The following SPMIP2 variants were observed in gnomAD, a reference collection of about 807,000 sequenced individuals.
SPMIP2 encodes sperm microtubule inner protein 2.
chr4:158,911,538 G>T, the SPMIP2 span, among the ~76,000 whole-genome samples: 75 of 149,354 alleles, frequency 5.0e-4, no homozygotes, highest in African/African-American at 1.8e-3. Context: ...TGCCCTGTCT[G>T]TTCTTCCTAG....
At chr4:158,915,025 C>CCAGT in the SPMIP2 span, 1 of 654,330 alleles carries the variant, frequency 1.5e-6, no homozygotes, top group South Asian at 2.3e-5. Flanking sequence ...CTGTGGCAAT[C>CCAGT]CAGTATAAAT....
chr4:159,024,899 C>T, the SPMIP2 span, among the ~76,000 whole-genome samples: 5 of 152,088 alleles, frequency 3.3e-5, no homozygotes, highest in African/African-American at 7.2e-5. Flanking sequence ...CCTCAGGTGA[C>T]GATATGCATA....
chr4:159,031,191 A>C, the SPMIP2 span, among the ~76,000 whole-genome samples: 4 of 152,196 alleles, frequency 2.6e-5, no homozygotes, highest in African/African-American at 4.8e-5. Context: ...GTGGTAAGTG[A>C]TGGGCCTTAT....
At chr4:158,926,579 C>T in the SPMIP2 span, among the ~76,000 whole-genome samples, 19 of 151,772 alleles carry the variant, frequency 1.3e-4, no homozygotes, top group African/African-American at 4.4e-4. Context: ...TTTTATGGCC[C>T]AATATATGGT....
the SPMIP2 span, among the ~76,000 whole-genome samples, chr4:159,050,032 G>A: frequency 2.6e-5 from 4 of 152,154 alleles, no homozygotes; most frequent in Admixed American, 2.0e-4. Context: ...AATGTGCATT[G>A]CTAAAAGGTG....
the SPMIP2 span, among the ~76,000 whole-genome samples, chr4:159,058,382 TTATA>T: frequency 6.6e-6 from 1 of 152,142 alleles, no homozygotes; most frequent in African/African-American, 2.4e-5. Flanking sequence ...TAGTTTTTGG[TTATA>T]TATTGTTTTG....
At chr4:159,037,519 C>T in the SPMIP2 span, among the ~76,000 whole-genome samples, 1 of 151,540 alleles carries the variant, frequency 6.6e-6, no homozygotes, top group Non-Finnish European at 1.5e-5. Context: ...TGGCTTACAC[C>T]TGTAATCCCA....
the SPMIP2 span, among the ~76,000 whole-genome samples, chr4:159,001,474 T>C: frequency 6.6e-4 from 101 of 152,274 alleles, no homozygotes; most frequent in African/African-American, 2.4e-3. Context: ...TAGTACCCAA[T>C]AGTTACTTTT....
the SPMIP2 span, among the ~76,000 whole-genome samples, chr4:158,966,330 T>G: frequency 6.6e-6 from 1 of 152,202 alleles, no homozygotes; most frequent in African/African-American, 2.4e-5. Context: ...AGGGAAAAAC[T>G]ACAGTCATAA....
chr4:159,018,778 G>T, the SPMIP2 span, among the ~76,000 whole-genome samples: 1 of 152,032 alleles, frequency 6.6e-6, no homozygotes. Context: ...TTTGATAAAA[G>T]TCATCTTTAG....
chr4:158,972,357 GTCTC>G, the SPMIP2 span, among the ~76,000 whole-genome samples: 1 of 152,172 alleles, frequency 6.6e-6, no homozygotes, highest in Admixed American at 6.6e-5. Flanking sequence ...GTGAGACCCT[GTCTC>G]TAAATAAATA....
the SPMIP2 span, among the ~76,000 whole-genome samples, chr4:158,975,935 G>A: frequency 6.6e-6 from 1 of 152,158 alleles, no homozygotes; most frequent in South Asian, 2.1e-4. Flanking sequence ...CCATGAGCAC[G>A]GAATGTTTTT....
chr4:158,973,000 T>C, the SPMIP2 span: 18 of 973,434 alleles, frequency 1.8e-5, no homozygotes, highest in Non-Finnish European at 2.6e-5. Context: ...GCACCCGACA[T>C]TTCCTTTGGA....
chr4:159,005,697 T>C, the SPMIP2 span, among the ~76,000 whole-genome samples: 1 of 152,226 alleles, frequency 6.6e-6, no homozygotes, highest in Admixed American at 6.5e-5. Flanking sequence ...CTTTCAATAT[T>C]GATTTCATAT....
chr4:159,079,132 AAAT>A, the SPMIP2 span, among the ~76,000 whole-genome samples: 1 of 151,932 alleles, frequency 6.6e-6, no homozygotes, highest in Admixed American at 6.6e-5. Flanking sequence ...ATAAATAAAT[AAAT>A]AATAATAATA....
At chr4:158,933,473 TC>T in the SPMIP2 span, among the ~76,000 whole-genome samples, 1 of 152,202 alleles carries the variant, frequency 6.6e-6, no homozygotes, top group Non-Finnish European at 1.5e-5. Context: ...TGTTTCCACT[TC>T]TTCATTTGCC....
the SPMIP2 span, among the ~76,000 whole-genome samples, chr4:158,930,539 AG>A: frequency 1.3e-5 from 2 of 149,976 alleles, no homozygotes; most frequent in African/African-American, 4.9e-5. Context: ...TCTGTCACCC[AG>A]GAGTGTAGTG....
the SPMIP2 span, among the ~76,000 whole-genome samples, chr4:159,043,029 C>A: frequency 4.0e-4 from 61 of 152,282 alleles, no homozygotes; most frequent in African/African-American, 1.3e-3. Context: ...TCCAGGGCAC[C>A]ATGCCATTCT....
chr4:158,923,893 C>A, the SPMIP2 span, among the ~76,000 whole-genome samples: 1 of 151,696 alleles, frequency 6.6e-6, no homozygotes, highest in Non-Finnish European at 1.5e-5. Context: ...GGTTTTCTCC[C>A]CAAGTTTATA....
Sources: gnomAD v4.1 joint callset for allele counts (sites outside exome capture counted in the v4.1 genomes callset) on GRCh38, gnomAD v4.1.1 for gene constraint, MANE v1.5 for transcripts, NCBI Gene and HGNC (gene_info 2026-07-23, HGNC 2026-07-21) for gene names.